The following INPP4B variants were observed in gnomAD, a reference collection of about 807,000 sequenced individuals.
The protein encoded by INPP4B is inositol polyphosphate 4-phosphatase type II.
A neutral mutation model predicts 122.5 loss-of-function variants in INPP4B; 55 were observed. The ratio of observed to expected loss-of-function variants is 0.45; its 90% CI spans 0.36 to 0.56. The LOEUF (loss-of-function observed/expected upper bound fraction) is 0.56, where lower values mean the gene tolerates loss of function less well. Among genes scored for constraint, INPP4B ranks in the 20% least tolerant of loss-of-function variants. The pLI is 0.00. For synonymous variants in INPP4B, 403 were observed against 388.7 expected (o/e 1.04, Z -0.43); for missense variants, 1,000 against 1,097.7 (o/e 0.91, Z 1.26).
At chr4:142,654,428 T>C (rs906115369) in intron 2 of INPP4B, 3 of 149,988 alleles carry the variant, frequency 2.0e-5, no homozygotes, top group African/African-American at 7.4e-5. Context: ...TAAAGGGCAT[T>C]GGTCACTTTC....
intron 20 of INPP4B, 44 bp from the exon 21 acceptor site, chr4:142,122,289 G>A (rs201248813): frequency 8.0e-4 from 1,108 of 1,388,024 alleles, no homozygotes; most frequent in Non-Finnish European, 1.1e-3. Context: ...AACATTTGAG[G>A]AAAATGTCAC....
At chr4:142,515,751 G>T (rs1825340607) in intron 2 of INPP4B, among the ~76,000 whole-genome samples, 1 of 152,160 alleles carries the variant, frequency 6.6e-6, no homozygotes, top group African/African-American at 2.4e-5. Context: ...TAAAACCAAA[G>T]TCTGAAAACC....
In INPP4B at chr4:142,512,670, G is replaced by A. The variant is rs117737419; in HGVS notation, c.-190-49944C>T. Among the ~76,000 whole-genome samples the A allele has an allele frequency of 3.0e-3, 454 of 151,970 alleles. 5 individuals carry two copies. Among genetic ancestry groups the A allele is most frequent in the Admixed American group, 3.8e-3 (58 of 15,258 alleles). ...TTTATTATGTCTCACTTTAGTCGTC[G>A]TCATCATCATCATCATACCATTATT... On this transcript the variant is annotated intron_variant, in intron 2 of 25. Transcript: ENST00000262992.
At chr4:142,569,817 T>G (rs1732432437) in intron 2 of INPP4B, among the ~76,000 whole-genome samples, 1 of 152,162 alleles carries the variant, frequency 6.6e-6, no homozygotes, top group Admixed American at 6.6e-5. Context: ...GCTTTCCTCT[T>G]ACCACTGACA....
chr4:142,311,984 A>G (rs967992091), intron 8 of INPP4B, among the ~76,000 whole-genome samples: 1 of 152,178 alleles, frequency 6.6e-6, no homozygotes, highest in African/African-American at 2.4e-5. Flanking sequence ...CAAGACTTCT[A>G]TAACATGAGA....
At chr4:142,460,666 G>A (rs539918112) in intron 3 of INPP4B, among the ~76,000 whole-genome samples, 7 of 152,118 alleles carry the variant, frequency 4.6e-5, no homozygotes, top group East Asian at 1.9e-4. Flanking sequence ...GAAACAAGCC[G>A]TTTTGTCTGT....
At chr4:142,442,514 G>A (rs1335269236) in intron 3 of INPP4B, among the ~76,000 whole-genome samples, 1 of 151,446 alleles carries the variant, frequency 6.6e-6, no homozygotes, top group Non-Finnish European at 1.5e-5. Flanking sequence ...GTCATAAAAA[G>A]TGAGGAAACA....
intron 1 of INPP4B, among the ~76,000 whole-genome samples, chr4:142,841,208 T>C (rs1783442244): frequency 6.6e-6 from 1 of 152,036 alleles, no homozygotes; most frequent in Non-Finnish European, 1.5e-5. Context: ...CTAACAGTAC[T>C]TTAAAGCTTC....
At chr4:142,037,113 T>C (rs1744432585) in intron 25 of INPP4B, among the ~76,000 whole-genome samples, 1 of 152,206 alleles carries the variant, frequency 6.6e-6, no homozygotes, top group Non-Finnish European at 1.5e-5. Context: ...ACTGAAAATG[T>C]GACAAGATCA....
intron 2 of INPP4B, among the ~76,000 whole-genome samples, chr4:142,621,020 C>A (rs1263279544): frequency 6.7e-6 from 1 of 150,372 alleles, no homozygotes; most frequent in Non-Finnish European, 1.5e-5. Context: ...ATTGAAGGAG[C>A]TTTTTTTTTA....
intron 3 of INPP4B, among the ~76,000 whole-genome samples, chr4:142,442,209 G>A (rs567840981): frequency 1.3e-5 from 2 of 151,936 alleles, no homozygotes; most frequent in South Asian, 2.1e-4. Flanking sequence ...TCAGGAGTTC[G>A]AGACCAGCCT....
chr4:142,422,649 T>C (rs1807186154), intron 5 of INPP4B, among the ~76,000 whole-genome samples: 2 of 151,792 alleles, frequency 1.3e-5, no homozygotes, highest in African/African-American at 4.8e-5. Context: ...CTACAAAAAA[T>C]AAAAATGAAA....
chr4:142,253,669 G>C (rs1173145883), intron 11 of INPP4B, among the ~76,000 whole-genome samples: 2 of 152,212 alleles, frequency 1.3e-5, no homozygotes, highest in African/African-American at 4.8e-5. Context: ...CGGCGCACCA[G>C]GAGATTATAT....
At chr4:142,551,989 T>C (rs900839135) in intron 2 of INPP4B, among the ~76,000 whole-genome samples, 6 of 152,174 alleles carry the variant, frequency 3.9e-5, no homozygotes, top group Non-Finnish European at 7.3e-5. Flanking sequence ...AGTTCTGAAC[T>C]AGACGCATAT....
rs962465533 is a variant in INPP4B at position 142,027,667 on chromosome 4, G to T, written c.*1115C>A. On this transcript the variant is annotated 3_prime_UTR_variant, in exon 26 of 26. Transcript: ENST00000262992. Reference sequence around the variant, plus strand: ...GCAACTATCTCCTGAGTGATTGGGGGTGATTAACCTTACCCATGTTTGAAT... The same window carrying T: ...GCAACTATCTCCTGAGTGATTGGGGTTGATTAACCTTACCCATGTTTGAAT... 1 of 152,172 alleles carries T rather than the reference G, an allele frequency of 6.6e-6. No homozygotes were observed. The highest frequency in any genetic ancestry group is 6.5e-5 in the Admixed American group (1 of 15,270). The allele number at this position is 152,172 out of a possible 1,614,324, so 9.4% of individuals were successfully genotyped here.
At chr4:142,649,448 C>T (rs1752476586) in intron 2 of INPP4B, among the ~76,000 whole-genome samples, 2 of 152,156 alleles carry the variant, frequency 1.3e-5, no homozygotes, top group Non-Finnish European at 2.9e-5. Flanking sequence ...ATGTCCAAAC[C>T]CATTGCAAGT....
chr4:142,603,412 C>A (rs137878888), intron 2 of INPP4B, among the ~76,000 whole-genome samples: 1 of 151,568 alleles, frequency 6.6e-6, no homozygotes, highest in East Asian at 1.9e-4. Context: ...AAAAAAAATA[C>A]TAAGGATCAA....
At chr4:142,440,711 CT>C (rs1811520794) in intron 3 of INPP4B, among the ~76,000 whole-genome samples, 2 of 151,252 alleles carry the variant, frequency 1.3e-5, no homozygotes, top group South Asian at 4.2e-4. Context: ...AATTTGAAAA[CT>C]TTGAGTCTCC....
intron 2 of INPP4B, among the ~76,000 whole-genome samples, chr4:142,629,995 T>G (rs908649320): frequency 2.0e-5 from 3 of 152,106 alleles, no homozygotes; most frequent in African/African-American, 7.2e-5. Flanking sequence ...AAACATTGTC[T>G]AGACATTTGC....
Sources: gnomAD v4.1 joint callset for allele counts (sites outside exome capture counted in the v4.1 genomes callset) on GRCh38, gnomAD v4.1.1 for gene constraint, MANE v1.5 for transcripts, NCBI Gene and HGNC (gene_info 2026-07-23, HGNC 2026-07-21) for gene names.